P3H2: variants seen among roughly 807,000 people sequenced by gnomAD.
P3H2 encodes the protein prolyl 3-hydroxylase 2.
In P3H2, 80 loss-of-function variants were observed where a neutral mutation model predicts 87.0. The ratio of observed to expected loss-of-function variants is 0.92; its 90% CI spans 0.77 to 1.11. P3H2 has a LOEUF of 1.11. Ranked by LOEUF, P3H2 falls within the 50% of genes least tolerant of loss-of-function variation. P3H2 has a pLI of 0.00. For missense variants in P3H2, 1,001 were observed against 923.9 expected, an observed-to-expected ratio of 1.08 and a Z score of -1.08; for synonymous variants, 367 against 359.3, an observed-to-expected ratio of 1.02 and a Z score of -0.24.
chr3:190,005,977 C>T (rs1253650773), intron 1 of P3H2, among the ~76,000 whole-genome samples: 1 of 152,208 alleles, frequency 6.6e-6, no homozygotes, highest in Non-Finnish European at 1.5e-5. Context: ...TTATAAGTAT[C>T]CAGCCACAGC....
intron 1 of P3H2, among the ~76,000 whole-genome samples, chr3:190,049,562 T>C (rs1398223317): frequency 6.6e-6 from 1 of 152,244 alleles, no homozygotes. Context: ...ATTGTAGTTT[T>C]CTTGAGGCAG....
intron 6 of P3H2, among the ~76,000 whole-genome samples, chr3:189,984,812 G>T (rs1560348681): frequency 6.6e-6 from 1 of 152,040 alleles, no homozygotes; most frequent in Non-Finnish European, 1.5e-5. Context: ...AATACAAGTC[G>T]AGTTTTCAAA....
intron 2 of P3H2, among the ~76,000 whole-genome samples, chr3:189,994,778 C>A (rs1719597): frequency 0.21 from 31,248 of 148,754 alleles, 3,516 homozygotes; most frequent in Non-Finnish European, 0.26. Flanking sequence ...AGGCTTTCAA[C>A]ATGTGATTTC....
rs542759719 is a variant in P3H2 at position 189,971,817 on chromosome 3, A to G, written c.1817+73T>C. 56 of 903,720 alleles carry G rather than the reference A, an allele frequency of 6.2e-5. No homozygotes were observed. In the South Asian group the frequency reaches 6.7e-4, roughly 11 times the overall value. 56.0% of individuals were successfully genotyped at this position (903,720 alleles called of 1,614,324 possible). A position where few individuals can be genotyped will look rare whatever the true frequency, so the allele number is the denominator to read the frequency against. Reference sequence around the variant, plus strand: ...ATGAACACGACGTCAAGCAAAACAGAGCACCTTTCCAGTTTTCACTGCTTG... The same window carrying G: ...ATGAACACGACGTCAAGCAAAACAGGGCACCTTTCCAGTTTTCACTGCTTG... On this transcript the variant is annotated intron_variant, in intron 12 of 14. Transcript: ENST00000319332.
At chr3:189,962,296 T>C (rs997501399) in intron 14 of P3H2, among the ~76,000 whole-genome samples, 4 of 150,410 alleles carry the variant, frequency 2.7e-5, no homozygotes, top group African/African-American at 9.8e-5. Context: ...TGCCTCAGGC[T>C]CCCGAGCAGC....
chr3:190,041,692 T>C (rs1577291176), intron 1 of P3H2, among the ~76,000 whole-genome samples: 1 of 152,226 alleles, frequency 6.6e-6, no homozygotes, highest in Non-Finnish European at 1.5e-5. Flanking sequence ...AATTTCTCCC[T>C]ATTACTTTTA....
chr3:190,018,792 G>T (rs1724847555), intron 1 of P3H2, among the ~76,000 whole-genome samples: 1 of 152,190 alleles, frequency 6.6e-6, no homozygotes, highest in Non-Finnish European at 1.5e-5. Context: ...AAGAGGGAAT[G>T]AACTGTAAGT....
chr3:189,964,092 T>C lies in P3H2; in HGVS notation c.1900A>G (p.Ile634Val), dbSNP rs1577241825. The change falls in exon 14 of 15, where the codon ATA becomes GTA. Residue 634 changes from isoleucine to valine, a missense_variant. By Grantham distance (29) the Ile-to-Val change is conservative. Transcript: ENST00000319332. ...EMDAKTVTAS[I>V]KPKCGRMISF... is the part of the protein sequence containing the mutation. ...ATCATGCGCCCACATTTTGGTTTTA[T>C]AGAGGCCTGAGAAAGAAAGCAAAAA... 1 of 1,614,158 alleles carries C rather than the reference T, an allele frequency of 6.2e-7. No homozygotes were observed. Among genetic ancestry groups the C allele is most frequent in the South Asian group, 1.1e-5 (1 of 91,084 alleles).
At chr3:190,109,726 A>G (rs948615343) in intron 1 of P3H2, among the ~76,000 whole-genome samples, 8 of 152,076 alleles carry the variant, frequency 5.3e-5, no homozygotes, top group African/African-American at 1.9e-4. Flanking sequence ...CCTCTAAAAG[A>G]TATCTAGCTG....
chr3:189,966,159 G>GAA (rs1160009594), intron 13 of P3H2, among the ~76,000 whole-genome samples: 4 of 144,658 alleles, frequency 2.8e-5, no homozygotes, highest in Non-Finnish European at 5.9e-5. Context: ...AAGAAAGAAA[G>GAA]AAAGAAAGAA....
chr3:190,068,756 C>T (rs565601272), intron 1 of P3H2, among the ~76,000 whole-genome samples: 5 of 151,930 alleles, frequency 3.3e-5, no homozygotes, highest in Admixed American at 1.3e-4. Flanking sequence ...CGATTTTTCT[C>T]GGTAAAATGA....
intron 1 of P3H2, among the ~76,000 whole-genome samples, chr3:190,056,567 T>C (rs1171936105): frequency 6.6e-6 from 1 of 152,220 alleles, no homozygotes; most frequent in Non-Finnish European, 1.5e-5. Context: ...AAGCCAAATC[T>C]ACAGGGAACG....
intron 1 of P3H2, among the ~76,000 whole-genome samples, chr3:190,076,985 A>G (rs1172247010): frequency 6.6e-6 from 1 of 152,210 alleles, no homozygotes; most frequent in Admixed American, 6.5e-5. Context: ...GGTGTTACTA[A>G]AAACTTTTAA....
intron 1 of P3H2, among the ~76,000 whole-genome samples, chr3:190,066,626 A>G (rs1726514716): frequency 6.6e-6 from 1 of 152,148 alleles, no homozygotes; most frequent in Admixed American, 6.6e-5. Flanking sequence ...TGTTCCCCAA[A>G]ATCCTATGGA....
At chr3:189,989,103 A>G (rs1723798040) in intron 3 of P3H2, 65 bp from the exon 4 acceptor site, 1 of 1,593,486 alleles carries the variant, frequency 6.3e-7, no homozygotes, top group African/African-American at 1.3e-5. Context: ...TCAACGTCAC[A>G]GCCACAGTTA....
At chr3:189,966,099 A>G (rs1164597327) in intron 13 of P3H2, among the ~76,000 whole-genome samples, 1 of 125,428 alleles carries the variant, frequency 8.0e-6, no homozygotes, top group Non-Finnish European at 1.5e-5. Context: ...AGAAAGAAAG[A>G]AAGAAAAAAG....
chr3:190,009,918 C>G (rs4686535), intron 1 of P3H2, among the ~76,000 whole-genome samples: 37,993 of 151,884 alleles, frequency 0.25, 4,945 homozygotes, highest in East Asian at 0.35. Flanking sequence ...GTGGGAAAGG[C>G]TATATGACTT....
chr3:190,092,878 C>T (rs1259228891), intron 1 of P3H2, among the ~76,000 whole-genome samples: 1 of 152,158 alleles, frequency 6.6e-6, no homozygotes, highest in Non-Finnish European at 1.5e-5. Context: ...CATCAATCAC[C>T]CAGGCTTTAA....
chr3:189,980,907 C>T (rs1278073517), intron 8 of P3H2, among the ~76,000 whole-genome samples: 4 of 152,166 alleles, frequency 2.6e-5, no homozygotes, highest in African/African-American at 9.6e-5. Context: ...GAAAGTGAAA[C>T]TTTTAGCCCC....
Sources: allele counts gnomAD v4.1 joint callset (sites outside exome capture counted in the v4.1 genomes callset), GRCh38; gene constraint gnomAD v4.1.1; transcripts MANE v1.5; gene names NCBI Gene and HGNC (gene_info 2026-07-23, HGNC 2026-07-21).